The following PCLO variants were observed in gnomAD, a reference collection of about 807,000 sequenced individuals.
PCLO encodes piccolo presynaptic cytomatrix protein, also known as protein piccolo.
Under a neutral mutation model 427.5 loss-of-function variants are expected in PCLO, and 82 were observed. That is an observed-to-expected ratio of 0.19 (90% CI 0.16 to 0.23). The LOEUF (loss-of-function observed/expected upper bound fraction) is 0.23. Among genes scored for constraint, PCLO ranks in the 10% least tolerant of loss-of-function variants. The pLI is 1.00. For synonymous variants in PCLO, 2,357 were observed against 2,155.4 expected, an observed-to-expected ratio of 1.09 and a Z score of -2.59; for missense variants, 6,239 against 6,115.9, an observed-to-expected ratio of 1.02 and a Z score of -0.67.
At chr7:82,888,215 T>A (rs1221165236) in intron 9 of PCLO, among the ~76,000 whole-genome samples, 1 of 152,172 alleles carries the variant, frequency 6.6e-6, no homozygotes, top group African/African-American at 2.4e-5. Context: ...CCACGGATAT[T>A]CCAGCAGTTA....
chr7:82,968,854 C>A (rs563993430), intron 3 of PCLO, among the ~76,000 whole-genome samples: 7 of 152,014 alleles, frequency 4.6e-5, no homozygotes, highest in African/African-American at 7.2e-5. Flanking sequence ...AAAACAGATA[C>A]GAATGGCTGC....
At chr7:83,126,486 T>A (rs1422852829) in intron 3 of PCLO, among the ~76,000 whole-genome samples, 1 of 152,100 alleles carries the variant, frequency 6.6e-6, no homozygotes, top group Non-Finnish European at 1.5e-5. Context: ...ATATCACATG[T>A]ACCCCATAAA....
At chr7:83,116,387 A>T (rs1791132474) in intron 3 of PCLO, among the ~76,000 whole-genome samples, 1 of 152,152 alleles carries the variant, frequency 6.6e-6, no homozygotes, top group South Asian at 2.1e-4. Flanking sequence ...TCTGCTAGAG[A>T]TGTTCTTATT....
intron 6 of PCLO, among the ~76,000 whole-genome samples, chr7:82,933,826 C>T (rs1304796659): frequency 1.3e-5 from 2 of 151,818 alleles, no homozygotes; most frequent in East Asian, 1.9e-4. Context: ...GTGAATTTTC[C>T]CTCATAAAGG....
intron 6 of PCLO, among the ~76,000 whole-genome samples, chr7:82,918,748 T>C (rs1253970083): frequency 6.6e-6 from 1 of 152,062 alleles, no homozygotes; most frequent in Non-Finnish European, 1.5e-5. Context: ...CTATTCTACA[T>C]GATTATGATT....
chr7:83,154,889 G>C lies in PCLO; in HGVS notation c.1752C>G (p.Leu584=). ...PSAKQPPSQG[L]PKTICPLCNT... ...TGCAAAGAGGACAGATGGTTTTAGG[G>C]AGGCCTTGTGAAGGAGGCTGTTTTG... The change falls in exon 2 of 25, where the codon CTC becomes CTG. Residue 584 remains leucine, a synonymous_variant. Coordinates refer to ENST00000333891, the MANE Select transcript of PCLO (RefSeq NM_033026.6). 1.2e-6 allele frequency: 2 copies of C among 1,614,040 alleles called. No individual in the cohort carries two copies. Among genetic ancestry groups the C allele is most frequent in the Non-Finnish European group, 1.7e-6 (2 of 1,179,888 alleles).
chr7:82,891,571 T>C (rs1030388541), intron 9 of PCLO, among the ~76,000 whole-genome samples: 4 of 152,120 alleles, frequency 2.6e-5, no homozygotes, highest in Non-Finnish European at 4.4e-5. Context: ...TCCAACACTA[T>C]GTTGAATAGG....
At chr7:83,133,664 T>G (rs59138561) in intron 3 of PCLO, among the ~76,000 whole-genome samples, 30,635 of 151,852 alleles carry the variant, frequency 0.2, 3,187 homozygotes, top group Middle Eastern at 0.25. Context: ...AACAGAATTA[T>G]AAAAAGCCTA....
Position 83,149,322 on chromosome 7 carries a change from G to A in PCLO, c.1893+5426C>T, listed in dbSNP as rs116306402. The stretch of plus-strand genomic sequence containing the variant: ...GGTCTCCTGACTAGCCACTTGGACA[G>A]TGGTTTTCTCAGCTCTTTTTCCTTT... On this transcript the variant is annotated intron_variant, in intron 2 of 24. Coordinates refer to ENST00000333891, the MANE Select transcript of PCLO (RefSeq NM_033026.6). Among the ~76,000 whole-genome samples, 399 of 152,310 alleles carry A rather than the reference G, an allele frequency of 2.6e-3. 2 individuals carry two copies. Among genetic ancestry groups the A allele is most frequent in the African/African-American group, 8.9e-3 (368 of 41,570 alleles).
chr7:83,071,614 C>T (rs1316812558), intron 3 of PCLO, among the ~76,000 whole-genome samples: 1 of 152,126 alleles, frequency 6.6e-6, no homozygotes, highest in Non-Finnish European at 1.5e-5. Flanking sequence ...GATGGGAGCA[C>T]AGTGCTTTTT....
At chr7:82,863,376 ATG>A (rs960463089) in intron 10 of PCLO, among the ~76,000 whole-genome samples, 14 of 152,048 alleles carry the variant, frequency 9.2e-5, no homozygotes, top group Admixed American at 6.6e-5. Context: ...AAATAAAATT[ATG>A]TGTCAAGTTA....
rs771360219 is a variant in PCLO at position 83,135,337 on chromosome 7, G to C, written c.2213C>G (p.Pro738Arg). ...SLSKPAPPKE[P>R]SVPSEQDKAP... ...CTTGTCCTGCTCAGATGGGACAGAAGGTTCTTTGGGAGGGGCTGGCTTGGA... is the reference window on the plus strand; with the variant it reads ...CTTGTCCTGCTCAGATGGGACAGAACGTTCTTTGGGAGGGGCTGGCTTGGA... Residue 738 changes from proline to arginine, a missense_variant, in exon 3 of 25, where the codon CCT (proline) becomes CGT (arginine). Physicochemically the swap from Pro to Arg is moderately radical, Grantham distance 103 (BLOSUM62 -2). This residue lies in a region of PCLO where 4,677 missense variants were observed against 4,468.4 expected (regional missense o/e 1.05). Coordinates refer to ENST00000333891, the MANE Select transcript of PCLO (RefSeq NM_033026.6). 7 of 1,613,866 alleles carry C rather than the reference G, an allele frequency of 4.3e-6. No homozygotes were observed. The highest frequency in any genetic ancestry group is 5.9e-6 in the Non-Finnish European group (7 of 1,179,892).
intron 20 of PCLO, among the ~76,000 whole-genome samples, chr7:82,817,807 G>C (rs971799781): frequency 2.0e-5 from 3 of 152,066 alleles, no homozygotes; most frequent in Non-Finnish European, 2.9e-5. Context: ...ACCTGTCCCA[G>C]TGGCTCTTGT....
chr7:82,840,169 A>G (rs1487092565), intron 14 of PCLO, among the ~76,000 whole-genome samples: 4 of 152,116 alleles, frequency 2.6e-5, no homozygotes, highest in Non-Finnish European at 4.4e-5. Context: ...GCTGTTTGTG[A>G]AATGAAGAAA....
chr7:82,956,939 A>T lies in PCLO; in HGVS notation c.4018-4T>A. Reference sequence around the variant, plus strand: ...CTGATTTGTCATCTTCCTTTTCCTAAGCAGGGAGATAAAGATACAGGAAAA... The same window carrying T: ...CTGATTTGTCATCTTCCTTTTCCTATGCAGGGAGATAAAGATACAGGAAAA... On this transcript the variant is annotated splice_polypyrimidine_tract_variant and splice_region_variant and intron_variant, in intron 4 of 24. Transcript: ENST00000333891. 1 of 1,581,036 alleles carries T rather than the reference A, an allele frequency of 6.3e-7. No individual in the cohort carries two copies. Among genetic ancestry groups the T allele is most frequent in the Non-Finnish European group, 8.6e-7 (1 of 1,165,058 alleles).
At chr7:82,781,803 T>C (rs1790878500) in intron 22 of PCLO, among the ~76,000 whole-genome samples, 1 of 152,156 alleles carries the variant, frequency 6.6e-6, no homozygotes, top group South Asian at 2.1e-4. Context: ...GGAAGAAATG[T>C]TGACATCATG....
At chr7:82,846,686 A>C in intron 11 of PCLO, 52 bp from the exon 12 acceptor site, 1 of 1,282,960 alleles carries the variant, frequency 7.8e-7, no homozygotes, top group Non-Finnish European at 1.1e-6. Flanking sequence ...TCTGAGACAA[A>C]GAGCACTTTT....
At chr7:82,850,704 C>A (rs915690699) in intron 10 of PCLO, among the ~76,000 whole-genome samples, 11 of 152,208 alleles carry the variant, frequency 7.2e-5, no homozygotes, top group Non-Finnish European at 1.5e-4. Flanking sequence ...GACGTCTGTT[C>A]ATTTTATTCA....
intron 3 of PCLO, among the ~76,000 whole-genome samples, chr7:83,000,572 A>G (rs1319163214): frequency 6.6e-6 from 1 of 152,004 alleles, no homozygotes. Context: ...ATCATCAGGC[A>G]TTAGATTTTC....
Sources: allele counts gnomAD v4.1 joint callset (sites outside exome capture counted in the v4.1 genomes callset), GRCh38; gene constraint gnomAD v4.1.1; regional missense constraint gnomAD v4.1.1; transcripts MANE v1.5; gene names NCBI Gene and HGNC (gene_info 2026-07-23, HGNC 2026-07-21).